The following TEX35 variants were observed in gnomAD, a reference collection of about 807,000 sequenced individuals.
TEX35 encodes testis-expressed protein 35.
In TEX35, 26 loss-of-function variants were observed where a neutral mutation model predicts 31.9. The ratio of observed to expected loss-of-function variants is 0.81; its 90% CI spans 0.60 to 1.13. The LOEUF (loss-of-function observed/expected upper bound fraction) is 1.13, where lower values mean the gene tolerates loss of function less well. Among genes scored for constraint, TEX35 ranks in the 50% most tolerant of loss-of-function variants. The probability of loss-of-function intolerance (pLI) is 0.00; values close to 1 mark genes in which losing one functional copy is unlikely to be tolerated. For missense variants in TEX35, 278 were observed against 273.5 expected (o/e 1.02, Z -0.12); for synonymous variants, 87 against 90.7 (o/e 0.96, Z 0.23).
intron 8 of TEX35, chr1:178,521,898 C>G: frequency 2.2e-6 from 3 of 1,374,942 alleles, no homozygotes; most frequent in Middle Eastern, 2.6e-4. Context: ...GTATTTCAGA[C>G]TCCAACCCTT....
intron 8 of TEX35, chr1:178,522,044 C>T (rs1329920543): frequency 1.5e-5 from 10 of 650,812 alleles, no homozygotes; most frequent in Non-Finnish European, 2.5e-5. Flanking sequence ...CTGATGATAG[C>T]GGACGCCAGT....
At chr1:178,521,422 C>G (rs1316914886) in intron 8 of TEX35, 158 bp downstream of exon 8, 3 of 1,038,654 alleles carry the variant, frequency 2.9e-6, no homozygotes, top group Non-Finnish European at 4.5e-6. Flanking sequence ...CTCAGTCATA[C>G]AGGATGTGGC....
intron 5 of TEX35, among the ~76,000 whole-genome samples, chr1:178,517,779 C>T (rs985460264): frequency 6.6e-6 from 1 of 152,084 alleles, no homozygotes; most frequent in Non-Finnish European, 1.5e-5. Flanking sequence ...AGCCAGTTAA[C>T]ACTGTAAAGC....
intron 7 of TEX35, 50 bp from the exon 8 acceptor site, chr1:178,521,172 C>T: frequency 6.2e-7 from 1 of 1,613,722 alleles, no homozygotes. Flanking sequence ...GGCTGCCCTT[C>T]TTGGACCAGG....
chr1:178,515,520 C>T (rs1650044167), intron 3 of TEX35, among the ~76,000 whole-genome samples: 1 of 152,146 alleles, frequency 6.6e-6, no homozygotes, highest in Non-Finnish European at 1.5e-5. Context: ...GGCAGAGACA[C>T]ATGATGCCTG....
intron 2 of TEX35, 76 bp from the exon 3 acceptor site, chr1:178,514,624 G>A (rs1012176085): frequency 1.4e-6 from 2 of 1,417,762 alleles, no homozygotes; most frequent in African/African-American, 2.8e-5. Context: ...GAAACACAGG[G>A]GGATCTCTTC....
At chr1:178,518,263 G>A (rs1057046856) in intron 5 of TEX35, among the ~76,000 whole-genome samples, 3 of 151,968 alleles carry the variant, frequency 2.0e-5, no homozygotes, top group Non-Finnish European at 4.4e-5. Context: ...CTCTTATACT[G>A]TTAATTAGAG....
intron 1 of TEX35, 35 bp downstream of exon 1, chr1:178,513,262 T>C: frequency 1.2e-6 from 2 of 1,613,398 alleles, no homozygotes; most frequent in Non-Finnish European, 1.7e-6. Flanking sequence ...GTGTGGGTCC[T>C]CTCTGAGCTC....
At chr1:178,516,518 A>G in intron 4 of TEX35, 97 bp from the exon 5 acceptor site, 2 of 1,010,414 alleles carry the variant, frequency 2.0e-6, no homozygotes, top group Non-Finnish European at 1.5e-6. Flanking sequence ...CCAGAGAAGC[A>G]GCCACTGCCC....
At chr1:178,520,306 G>A in intron 5 of TEX35, 66 bp from the exon 6 acceptor site, 1 of 1,500,552 alleles carries the variant, frequency 6.7e-7, no homozygotes, top group Non-Finnish European at 9.2e-7. Flanking sequence ...TTTGCAGAGA[G>A]GCAGGAGGAA....
intron 7 of TEX35, 106 bp downstream of exon 7, chr1:178,520,980 G>T (rs772860644): frequency 1.4e-5 from 21 of 1,554,346 alleles, no homozygotes; most frequent in African/African-American, 2.7e-5. Flanking sequence ...GGACAGGTCC[G>T]CCCGCTGCTG....
intron 8 of TEX35, 200 bp from the exon 9 acceptor site, chr1:178,522,125 G>T: frequency 1.3e-6 from 1 of 758,752 alleles, no homozygotes; most frequent in Non-Finnish European, 2.0e-6. Context: ...CTCCACCTGT[G>T]CATGGGGCCA....
rs1650319226 is a variant in TEX35, at chr1:178,522,387, C to A, written c.649C>A (p.Pro217Thr). 1.2e-6 allele frequency: 2 copies of A among 1,606,772 alleles called. No individual in the cohort carries two copies. The highest frequency in any genetic ancestry group is 1.7e-6 in the Non-Finnish European group (2 of 1,176,374). ...KGGEEPVTTQ[P>T]SVGHAVPAPK... ...TGGAGAGGAGCCAGTGACCACCCAA[C>A]CTTCTGTGGGCCACGCTGTGCCTGC... Residue 217 changes from proline (P) to threonine (T), a missense_variant, in exon 9 of 9, where the codon CCT becomes ACT. By Grantham distance (38) the Pro-to-Thr change is conservative. Coordinates refer to ENST00000319416, the MANE Select transcript of TEX35 (RefSeq NM_032126.5).
intron 5 of TEX35, among the ~76,000 whole-genome samples, 196 bp from the exon 6 acceptor site, chr1:178,520,176 C>T (rs767977306): frequency 6.6e-6 from 1 of 152,126 alleles, no homozygotes; most frequent in Non-Finnish European, 1.5e-5. Flanking sequence ...TCTGCCTGTG[C>T]TTTCGTCTCA....
intron 5 of TEX35, among the ~76,000 whole-genome samples, chr1:178,519,555 T>A (rs1650194169): frequency 6.6e-6 from 1 of 152,234 alleles, no homozygotes; most frequent in African/African-American, 2.4e-5. Flanking sequence ...CATTTAAAAA[T>A]GCTTTTCAAG....
intron 8 of TEX35, chr1:178,522,011 AGG>A: frequency 1.4e-6 from 1 of 714,510 alleles, no homozygotes; most frequent in Non-Finnish European, 2.2e-6. Context: ...CAAACGTCCC[AGG>A]TCATAGCATG....
At position 178,520,865 on chromosome 1, in the gene TEX35, G is replaced by A. The variant is rs752857315; in HGVS notation, c.534G>A (p.Gly178=). The A allele has an allele frequency of 1.2e-6, 2 of 1,614,116 alleles. No homozygotes were observed. Among genetic ancestry groups the A allele is most frequent in the Non-Finnish European group, 1.7e-6 (2 of 1,180,038 alleles). ...CACTGGATCCCCTTCATCACTGTGG[G>A]ACCTGCTGCGTAAGTGAAACCCTGC... ...QGSLDPLHHC[G]TCCEKCLLCA... The change falls in exon 7 of 9, where the codon GGG becomes GGA. Residue 178 remains glycine, a synonymous_variant. Transcript: ENST00000319416.
At chr1:178,514,312 C>A in intron 2 of TEX35, 1 of 1,402,606 alleles carries the variant, frequency 7.1e-7, no homozygotes, top group Non-Finnish European at 9.5e-7. Context: ...GACAGGGAGA[C>A]ATGTCTGAGT....
rs1415553373 is a variant in TEX35, at chr1:178,521,700, G to A, written c.586+436G>A. On this transcript the variant is annotated intron_variant, in intron 8 of 8. Transcript: ENST00000319416. ...AGCTGCAGAACCTACCAGCAGTTCCGATTCATCACCTCCAAGCTCCTTAAG... is the reference window on the plus strand; with the variant it reads ...AGCTGCAGAACCTACCAGCAGTTCCAATTCATCACCTCCAAGCTCCTTAAG... The A allele has an allele frequency of 2.3e-5, 35 of 1,551,722 alleles. 1 individual carries two copies. Among genetic ancestry groups the A allele is most frequent in the South Asian group, 7.1e-5 (6 of 84,066 alleles).
Sources: allele counts gnomAD v4.1 joint callset (sites outside exome capture counted in the v4.1 genomes callset), GRCh38; gene constraint gnomAD v4.1.1; transcripts MANE v1.5; gene names NCBI Gene and HGNC (gene_info 2026-07-23, HGNC 2026-07-21).